OR1J2: variants seen among roughly 807,000 people sequenced by gnomAD.
OR1J2 encodes the protein olfactory receptor family 1 subfamily J member 2.
For missense variants in OR1J2, 304 were observed against 246.1 expected, an observed-to-expected ratio of 1.24 and a Z score of -1.57; for synonymous variants, 142 against 99.7, an observed-to-expected ratio of 1.42 and a Z score of -2.52.
In OR1J2 at chr9:122,511,446, G is replaced by A. The variant is rs770462000; in HGVS notation, c.645G>A (p.Leu215=). The change falls in exon 1 of 1, where the codon CTG becomes CTA. Residue 215 remains leucine, a synonymous_variant. Transcript: ENST00000335302. ...VVITLPFMCI[L]VSYGYIGATI... is the part of the protein sequence containing the mutation. Reference sequence around the variant, plus strand: ...TTACCCTGCCATTCATGTGTATCCTGGTATCATATGGCTACATTGGGGCCA... The same window carrying A: ...TTACCCTGCCATTCATGTGTATCCTAGTATCATATGGCTACATTGGGGCCA... 1.3e-6 allele frequency: 1 copy of A among 778,516 alleles called. No homozygotes were observed. The highest frequency in any genetic ancestry group is 1.3e-5 in the South Asian group (1 of 74,078). 48.2% of individuals were successfully genotyped at this position (778,516 alleles called of 1,614,324 possible).
the OR1J2 span, among the ~76,000 whole-genome samples, chr9:122,489,293 A>G: frequency 6.6e-6 from 1 of 151,716 alleles, no homozygotes. Context: ...ATATATATAT[A>G]TATTTACACT....
At chr9:122,491,148 A>G in the OR1J2 span, among the ~76,000 whole-genome samples, 8 of 152,312 alleles carry the variant, frequency 5.3e-5, no homozygotes, top group Middle Eastern at 3.4e-3. Context: ...AATAAGGAGA[A>G]CAAAGGAGTT....
the OR1J2 span, among the ~76,000 whole-genome samples, chr9:122,529,519 T>C: frequency 6.6e-6 from 1 of 152,178 alleles, no homozygotes. Flanking sequence ...CCCCAAATCC[T>C]CAAAAAAGGG....
chr9:122,535,532 G>A, the OR1J2 span, among the ~76,000 whole-genome samples: 1 of 152,202 alleles, frequency 6.6e-6, no homozygotes, highest in South Asian at 2.1e-4. Flanking sequence ...GTGGCGCCAA[G>A]ATTGAAAGGA....
At chr9:122,482,309 C>T in the OR1J2 span, among the ~76,000 whole-genome samples, 1 of 152,012 alleles carries the variant, frequency 6.6e-6, no homozygotes, top group African/African-American at 2.4e-5. Context: ...CAAATTAAAA[C>T]CTCCATGAGC....
downstream of OR1J2, among the ~76,000 whole-genome samples, chr9:122,515,352 T>TTTTGTG: frequency 7.4e-6 from 1 of 135,814 alleles, no homozygotes; most frequent in Admixed American, 7.3e-5. Flanking sequence ...CAGGAGCAGG[T>TTTTGTG]TGTGTGTGTG....
chr9:122,450,072 A>G, the OR1J2 span, among the ~76,000 whole-genome samples: 2 of 152,190 alleles, frequency 1.3e-5, no homozygotes, highest in Non-Finnish European at 2.9e-5. Flanking sequence ...ATCTATGTAT[A>G]CATTGTAGAA....
the OR1J2 span, among the ~76,000 whole-genome samples, chr9:122,551,158 A>G: frequency 6.6e-6 from 1 of 152,228 alleles, no homozygotes; most frequent in Non-Finnish European, 1.5e-5. Flanking sequence ...CCCATTTACA[A>G]TAGCTACAAA....
chr9:122,508,102 G>A (rs1267736833), upstream of OR1J2, among the ~76,000 whole-genome samples: 1 of 150,516 alleles, frequency 6.6e-6, no homozygotes, highest in African/African-American at 2.5e-5. Context: ...GACAGAGAGG[G>A]AGGGAAGGAG....
the OR1J2 span, chr9:122,568,738 C>T: frequency 8.1e-6 from 3 of 371,650 alleles, no homozygotes; most frequent in Non-Finnish European, 4.8e-6. Context: ...CAGAAGTGGA[C>T]TCCTCTAATT....
the OR1J2 span, among the ~76,000 whole-genome samples, chr9:122,542,299 G>A: frequency 1.9e-4 from 29 of 152,164 alleles, no homozygotes; most frequent in Non-Finnish European, 2.9e-4. Context: ...ACAGAAATAT[G>A]CTCAAACATT....
chr9:122,562,460 A>G, the OR1J2 span, among the ~76,000 whole-genome samples: 2 of 152,174 alleles, frequency 1.3e-5, no homozygotes, highest in Non-Finnish European at 2.9e-5. Context: ...GGGGCTCTCA[A>G]GTGGGATCTT....
chr9:122,505,394 T>C, the OR1J2 span, among the ~76,000 whole-genome samples: 14 of 152,120 alleles, frequency 9.2e-5, no homozygotes, highest in African/African-American at 3.4e-4. Context: ...AGTCTCGCTG[T>C]CATGATAACC....
the OR1J2 span, among the ~76,000 whole-genome samples, chr9:122,472,334 T>C: frequency 6.6e-6 from 1 of 152,246 alleles, no homozygotes; most frequent in Non-Finnish European, 1.5e-5. Flanking sequence ...GGACAAGTTA[T>C]AATACAAATG....
chr9:122,511,113 T>C lies in OR1J2; in HGVS notation c.312T>C (p.Phe104=). The C allele has an allele frequency of 3.0e-6, 3 of 996,590 alleles. No homozygotes were observed. The highest frequency in any genetic ancestry group is 3.2e-5 in the African/African-American group (2 of 61,902). The allele number at this position is 996,590 out of a possible 1,614,324, so 61.7% of individuals were successfully genotyped here. Residue 104 remains phenylalanine, a synonymous_variant, in exon 1 of 1, where the codon TTT becomes TTC. Coordinates refer to ENST00000335302, the MANE Select transcript of OR1J2 (RefSeq NM_054107.1). ...AATGCATTTCTCAGATGTATTTTTT[T>C]ATATTTTTTACTGACCTGGACAGCT... ...YEECISQMYF[F]IFFTDLDSFL... is the part of the protein sequence containing the mutation.
At chr9:122,459,746 A>C in the OR1J2 span, among the ~76,000 whole-genome samples, 1 of 152,166 alleles carries the variant, frequency 6.6e-6, no homozygotes. Flanking sequence ...GTTTTGTTAC[A>C]TGAATATTTT....
chr9:122,495,873 G>A, the OR1J2 span, among the ~76,000 whole-genome samples: 90 of 152,082 alleles, frequency 5.9e-4, no homozygotes, highest in African/African-American at 2.0e-3. Flanking sequence ...TTGTCCTACC[G>A]GGTGCTCCCT....
the OR1J2 span, chr9:122,477,587 G>T: frequency 6.2e-7 from 1 of 1,614,194 alleles, no homozygotes. Flanking sequence ...GAAGTGATAA[G>T]GAAACTGTCT....
chr9:122,515,391 TATACGG>T (rs1828686550), downstream of OR1J2, among the ~76,000 whole-genome samples: 1 of 151,636 alleles, frequency 6.6e-6, no homozygotes, highest in South Asian at 2.1e-4. Flanking sequence ...TGTGTGTGTG[TATACGG>T]GTGCTCAGCA....
Sources: allele counts gnomAD v4.1 joint callset (sites outside exome capture counted in the v4.1 genomes callset), GRCh38; gene constraint gnomAD v4.1.1; transcripts MANE v1.5; gene names NCBI Gene and HGNC (gene_info 2026-07-23, HGNC 2026-07-21).